Variants in GTF3A observed in about 807,000 individuals in gnomAD.
GTF3A encodes the protein transcription factor IIIA.
In GTF3A, 40 loss-of-function variants were observed where a neutral mutation model predicts 37.6. The ratio of observed to expected loss-of-function variants is 1.06; its 90% confidence interval spans 0.83 to 1.38. GTF3A has a LOEUF of 1.38. Ranked by LOEUF, GTF3A falls within the 40% of genes most tolerant of loss-of-function variation. The probability of loss-of-function intolerance (pLI) is 0.00; values close to 1 mark genes in which losing one functional copy is unlikely to be tolerated. For missense variants in GTF3A, 500 were observed against 462.6 expected, an observed-to-expected ratio of 1.08 and a Z score of -0.74; for synonymous variants, 191 against 166.7, an observed-to-expected ratio of 1.15 and a Z score of -1.12.
chr13:27,430,670 G>C, intron 4 of GTF3A, 49 bp downstream of exon 4: 1 of 1,151,326 alleles, frequency 8.7e-7, no homozygotes, highest in South Asian at 1.3e-5. Flanking sequence ...GTGTGAATAA[G>C]ATTGGAAATG....
In GTF3A at chr13:27,434,823, T is replaced by C; in HGVS notation, c.662T>C (p.Val221Ala). The change falls in exon 7 of 9, where the codon GTA becomes GCA. Residue 221 changes from valine to alanine, a missense_variant. Transcript: ENST00000381140. ...CCACCAGAGGAAATACTATGTGAAGTATGCCGGAAAACATTTAAACGCAAA... is the reference window on the plus strand; with the variant it reads ...CCACCAGAGGAAATACTATGTGAAGCATGCCGGAAAACATTTAAACGCAAA... 1 of 1,609,862 alleles carries C rather than the reference T, an allele frequency of 6.2e-7. No homozygotes were observed. The highest frequency in any genetic ancestry group is 8.5e-7 in the Non-Finnish European group (1 of 1,176,592).
intron 4 of GTF3A, among the ~76,000 whole-genome samples, chr13:27,431,790 G>A (rs1953660222): frequency 1.3e-5 from 2 of 152,238 alleles, no homozygotes; most frequent in Admixed American, 1.3e-4. Flanking sequence ...TTAAAGCAAC[G>A]GTGGGACAAA....
At chr13:27,433,987 T>G (rs1284915173) in intron 5 of GTF3A, among the ~76,000 whole-genome samples, 152 bp from the exon 6 acceptor site, 4 of 152,194 alleles carry the variant, frequency 2.6e-5, no homozygotes, top group Non-Finnish European at 4.4e-5. Context: ...ACATCAATCT[T>G]TTTTTAGTTT....
rs1405868792 is a variant in GTF3A, at chr13:27,432,451, G to A, written c.489-280G>A. On this transcript the variant is annotated intron_variant, in intron 4 of 8. Coordinates refer to ENST00000381140, the MANE Select transcript of GTF3A (RefSeq NM_002097.3). Reference sequence around the variant, plus strand: ...AGATAACCTCTTGAACTATCTTTTTGTAGCCATGAAAGCAGAGTATATTTC... The same window carrying A: ...AGATAACCTCTTGAACTATCTTTTTATAGCCATGAAAGCAGAGTATATTTC... Among the ~76,000 whole-genome samples, 7 of 152,292 alleles carry A rather than the reference G, an allele frequency of 4.6e-5. No homozygotes were observed. In the East Asian group the frequency reaches 1.4e-3, roughly 29 times the overall value.
chr13:27,428,955 G>A (rs963108610), intron 2 of GTF3A, among the ~76,000 whole-genome samples: 1 of 152,176 alleles, frequency 6.6e-6, no homozygotes, highest in African/African-American at 2.4e-5. Flanking sequence ...TGGGGGTTGA[G>A]CAGGATGGGC....
chr13:27,434,510 C>G, intron 6 of GTF3A: 1 of 540,764 alleles, frequency 1.8e-6, no homozygotes. Flanking sequence ...ACCCTGCATA[C>G]TGGGGGACAA....
chr13:27,435,291 G>A, intron 8 of GTF3A, 99 bp downstream of exon 8: 2 of 1,255,858 alleles, frequency 1.6e-6, no homozygotes, highest in Non-Finnish European at 1.1e-6. Context: ...TTTACTGTTT[G>A]AGTCTGCACT....
At chr13:27,432,178 C>T (rs1369498232) in intron 4 of GTF3A, among the ~76,000 whole-genome samples, 1 of 152,188 alleles carries the variant, frequency 6.6e-6, no homozygotes, top group Non-Finnish European at 1.5e-5. Context: ...CGGCACTTTC[C>T]CTTGACTTGC....
rs1953697394 is a variant in GTF3A, at chr13:27,435,044, C to T, written c.873+10C>T. 6.5e-7 allele frequency: 1 copy of T among 1,541,572 alleles called. No homozygotes were observed. Among genetic ancestry groups the T allele is most frequent in the Admixed American group, 1.7e-5 (1 of 59,884 alleles). On this transcript the variant is annotated intron_variant, in intron 7 of 8. Transcript: ENST00000381140. ...AACATTTGCAATGAAAGTAAGCACT[C>T]ACCCTCATACTCATGGTCCTATAGT...
Position 27,424,752 on chromosome 13 carries a change from C to G in GTF3A, c.15C>G (p.Ala5=). Residue 5 remains alanine, a synonymous_variant, in exon 1 of 9, where the codon GCC becomes GCG. Transcript: ENST00000381140. ...GCGCCGGCGCCCTGGATCCGCCGGC[C>G]GTGGTCGCCGAGTCGGTGTCGTCCT... 1 of 1,478,160 alleles carries G rather than the reference C, an allele frequency of 6.8e-7. No individual in the cohort carries two copies. Among genetic ancestry groups the G allele is most frequent in the Non-Finnish European group, 9.0e-7 (1 of 1,114,200 alleles). The allele number at this position is 1,478,160 out of a possible 1,614,324, so 91.6% of individuals were successfully genotyped here. A position where few individuals can be genotyped will look rare whatever the true frequency, so the allele number is the denominator to read the frequency against.
intron 6 of GTF3A, among the ~76,000 whole-genome samples, chr13:27,434,433 G>A (rs1205238957): frequency 2.0e-5 from 3 of 152,184 alleles, no homozygotes; most frequent in South Asian, 2.1e-4. Context: ...TGCTGAAGGC[G>A]GTGGCAGGTC....
In GTF3A at chr13:27,435,682, T is replaced by G. The variant is rs930134282; in HGVS notation, c.*85T>G. On this transcript the variant is annotated 3_prime_UTR_variant, in exon 9 of 9. Coordinates refer to ENST00000381140, the MANE Select transcript of GTF3A (RefSeq NM_002097.3). ...TGCTTTTCTTTATTAAAATTACTGA[T>G]GCAGAACATTTGATTCCTTATCATT... is the stretch of plus-strand genomic sequence containing the variant. 3.1e-6 allele frequency: 5 copies of G among 1,613,790 alleles called. No homozygotes were observed. The Admixed American group carries it at 5.0e-5, about 16-fold the overall frequency.
intron 1 of GTF3A, 147 bp downstream of exon 1, chr13:27,425,085 A>G (rs1414465354): frequency 1.7e-6 from 1 of 574,328 alleles, no homozygotes; most frequent in Non-Finnish European, 3.1e-6. Flanking sequence ...CTGAGGAAGT[A>G]GACAGGAAGT....
intron 4 of GTF3A, among the ~76,000 whole-genome samples, chr13:27,431,594 GAC>G (rs1395662257): frequency 2.0e-5 from 3 of 149,702 alleles, no homozygotes; most frequent in Non-Finnish European, 3.0e-5. Context: ...AGGACAAAAA[GAC>G]ACAGTGATTT....
intron 5 of GTF3A, 53 bp downstream of exon 5, chr13:27,432,857 C>A: frequency 7.1e-7 from 1 of 1,416,680 alleles, no homozygotes; most frequent in South Asian, 1.2e-5. Flanking sequence ...ATCCTGGGCG[C>A]CTTTGAATCT....
rs1290532125 is a variant in GTF3A, at chr13:27,435,751, G to T, written c.*154G>T. Reference sequence around the variant, plus strand: ...AGTGTCTCTTTCCTGGGTCTCTTGAGTTTCTTTATATGCCTTCTCCTCATT... The same window carrying T: ...AGTGTCTCTTTCCTGGGTCTCTTGATTTTCTTTATATGCCTTCTCCTCATT... On this transcript the variant is annotated 3_prime_UTR_variant, in exon 9 of 9. Transcript: ENST00000381140. 3.1e-6 allele frequency: 5 copies of T among 1,614,074 alleles called. No homozygotes were observed. The Admixed American group carries it at 8.3e-5, about 27-fold the overall frequency.
rs1435870002 is a variant in GTF3A at position 27,424,798 on chromosome 13, A to G, written c.61A>G (p.Ile21Val). ...GTCCTTGACCATCGCCGACGCGTTC[A>G]TTGCAGCCGGCGAGAGCTCAGCTCC... Residue 21 changes from isoleucine to valine, a missense_variant, in exon 1 of 9, where the codon ATT (isoleucine) becomes GTT (valine). Coordinates refer to ENST00000381140, the MANE Select transcript of GTF3A (RefSeq NM_002097.3). The G allele has an allele frequency of 1.3e-6, 2 of 1,545,344 alleles. No individual in the cohort carries two copies. The highest frequency in any genetic ancestry group is 1.4e-5 in the African/African-American group (1 of 72,426).
Position 27,427,259 on chromosome 13 carries a change from A to G in GTF3A, c.302+67A>G. 3.9e-6 allele frequency: 3 copies of G among 773,220 alleles called. No homozygotes were observed. The South Asian group carries it at 4.4e-5, about 11-fold the overall frequency. The allele number at this position is 773,220 out of a possible 1,614,324, so 47.9% of individuals were successfully genotyped here. On this transcript the variant is annotated intron_variant, in intron 2 of 8. Coordinates refer to ENST00000381140, the MANE Select transcript of GTF3A (RefSeq NM_002097.3). ...TTGGGCATATAGACCCAGTAAGAAG[A>G]TTGATGTTAACTCACGAGATCAGGA...
intron 2 of GTF3A, among the ~76,000 whole-genome samples, chr13:27,428,729 G>A (rs1047286428): frequency 2.6e-5 from 4 of 152,186 alleles, no homozygotes; most frequent in Non-Finnish European, 5.9e-5. Flanking sequence ...CAGCACAAGA[G>A]ATGCTTAAAC....
Sources: gnomAD v4.1 joint callset for allele counts (sites outside exome capture counted in the v4.1 genomes callset) on GRCh38, gnomAD v4.1.1 for gene constraint, MANE v1.5 for transcripts, NCBI Gene and HGNC (gene_info 2026-07-23, HGNC 2026-07-21) for gene names.